Variants in GRIP1 observed in about 807,000 individuals in gnomAD.
GRIP1 encodes the protein glutamate receptor-interacting protein 1.
In GRIP1, 45 loss-of-function variants were observed where a neutral mutation model predicts 129.9. The observed-to-expected ratio is 0.35, with a 90% CI of 0.27 to 0.44. The LOEUF is 0.44. Among genes scored for constraint, GRIP1 ranks in the 20% least tolerant of loss-of-function variants. The pLI, the probability that GRIP1 is intolerant of heterozygous loss-of-function variation, is 1.00. For synonymous variants in GRIP1, 530 were observed against 520.8 expected (o/e 1.02, Z -0.24); for missense variants, 1,196 against 1,396.8 (o/e 0.86, Z 2.29).
intron 1 of GRIP1, among the ~76,000 whole-genome samples, chr12:66,888,973 A>C (rs775580554): frequency 6.6e-6 from 1 of 152,246 alleles, no homozygotes; most frequent in African/African-American, 2.4e-5. Flanking sequence ...TGGGACATTA[A>C]TAAAGAAGCA....
intron 4 of GRIP1, among the ~76,000 whole-genome samples, chr12:66,538,218 T>TA (rs368661628): frequency 0.15 from 22,324 of 144,416 alleles, 2,397 homozygotes; most frequent in African/African-American, 0.31. Flanking sequence ...TTTTTTTTTT[T>TA]AAACAGGGTT....
intron 14 of GRIP1, among the ~76,000 whole-genome samples, chr12:66,421,739 A>G (rs1278393473): frequency 6.6e-6 from 1 of 151,214 alleles, no homozygotes; most frequent in Non-Finnish European, 1.5e-5. Flanking sequence ...AAACATGTAC[A>G]TGTAATTTTA....
At chr12:66,784,126 T>G (rs1032085127) in intron 1 of GRIP1, among the ~76,000 whole-genome samples, 12 of 152,198 alleles carry the variant, frequency 7.9e-5, no homozygotes, top group Non-Finnish European at 1.6e-4. Flanking sequence ...CTCTAATTTT[T>G]TTTTAAGTTG....
chr12:66,625,700 G>A lies in GRIP1; in HGVS notation c.56-28773C>T, dbSNP rs565719453. 2.2e-4 allele frequency among the ~76,000 whole-genome samples: 34 copies of A among 152,202 alleles called. No homozygotes were observed. The South Asian group carries it at 4.4e-3, about 20-fold the overall frequency. On this transcript the variant is annotated intron_variant, in intron 1 of 24. Coordinates refer to ENST00000359742, the MANE Select transcript of GRIP1 (RefSeq NM_001366722.1). ...ACTGAGGTGGAAAAATTATGCAAAC[G>A]TAAATTTTAAATGGAGCTTCCAAAA...
At chr12:66,951,691 C>T (rs2041760473) in intron 1 of GRIP1, among the ~76,000 whole-genome samples, 1 of 152,180 alleles carries the variant, frequency 6.6e-6, no homozygotes, top group Admixed American at 6.5e-5. Flanking sequence ...CGTTGTAGTC[C>T]ATTTGCAAGA....
upstream of GRIP1, among the ~76,000 whole-genome samples, chr12:66,681,856 G>A (rs2034595848): frequency 6.6e-6 from 1 of 151,972 alleles, no homozygotes; most frequent in Non-Finnish European, 1.5e-5. Context: ...CTTATTTCAG[G>A]GTTTCTTTAA....
At chr12:66,634,079 A>G (rs987350649) in intron 1 of GRIP1, among the ~76,000 whole-genome samples, 1 of 152,210 alleles carries the variant, frequency 6.6e-6, no homozygotes, top group African/African-American at 2.4e-5. Flanking sequence ...TTAGGCAACA[A>G]AGGCTTCTTT....
chr12:66,892,981 C>A (rs1327497703), intron 1 of GRIP1, among the ~76,000 whole-genome samples: 1 of 152,050 alleles, frequency 6.6e-6, no homozygotes, highest in African/African-American at 2.4e-5. Flanking sequence ...CAAAACAAAA[C>A]AAAGACAAAA....
chr12:66,670,749 C>A (rs1223814937), intron 1 of GRIP1, among the ~76,000 whole-genome samples: 1 of 152,134 alleles, frequency 6.6e-6, no homozygotes, highest in Non-Finnish European at 1.5e-5. Context: ...CTCAGAGCTC[C>A]CTTAAGGTAG....
chr12:66,982,620 A>G (rs2042254932), intron 1 of GRIP1, among the ~76,000 whole-genome samples: 1 of 152,212 alleles, frequency 6.6e-6, no homozygotes, highest in Non-Finnish European at 1.5e-5. Context: ...GAGAAACTGC[A>G]GCTTTCAGTC....
intron 1 of GRIP1, among the ~76,000 whole-genome samples, chr12:66,796,667 T>C (rs116531246): frequency 6.2e-4 from 95 of 152,254 alleles, no homozygotes; most frequent in African/African-American, 2.0e-3. Flanking sequence ...TCCTCTGTCT[T>C]CTGTACCACG....
chr12:66,819,392 C>T (rs1762265726), intron 1 of GRIP1, among the ~76,000 whole-genome samples: 2 of 152,094 alleles, frequency 1.3e-5, no homozygotes, highest in Non-Finnish European at 2.9e-5. Flanking sequence ...ATGCTGTTTT[C>T]TGTAAGTAAT....
At chr12:66,524,531 G>A (rs2061150630) in intron 5 of GRIP1, among the ~76,000 whole-genome samples, 1 of 152,130 alleles carries the variant, frequency 6.6e-6, no homozygotes, top group South Asian at 2.1e-4. Context: ...TCAAAGCAGT[G>A]TGTAGAGGGA....
chr12:66,832,142 T>G (rs2039530992), intron 1 of GRIP1, among the ~76,000 whole-genome samples: 2 of 152,244 alleles, frequency 1.3e-5, no homozygotes, highest in South Asian at 4.1e-4. Context: ...ATCATTTTCA[T>G]GCTTAGAAAA....
intron 1 of GRIP1, among the ~76,000 whole-genome samples, chr12:66,936,262 A>C (rs1367257651): frequency 1.3e-5 from 2 of 152,022 alleles, no homozygotes; most frequent in African/African-American, 4.8e-5. Flanking sequence ...TCTACAAAAA[A>C]CAGAAAAACA....
intron 1 of GRIP1, among the ~76,000 whole-genome samples, chr12:66,725,730 T>C (rs2036233963): frequency 6.6e-6 from 1 of 152,178 alleles, no homozygotes; most frequent in African/African-American, 2.4e-5. Context: ...CACACATTTA[T>C]ATTAATCATA....
intron 1 of GRIP1, among the ~76,000 whole-genome samples, chr12:66,796,594 T>A (rs1233362563): frequency 1.3e-5 from 2 of 152,136 alleles, no homozygotes; most frequent in Non-Finnish European, 2.9e-5. Flanking sequence ...GTTTTCTTCA[T>A]TGTACTTGCC....
chr12:66,370,601 A>C (rs1025063712), intron 23 of GRIP1, among the ~76,000 whole-genome samples: 1 of 152,218 alleles, frequency 6.6e-6, no homozygotes, highest in Non-Finnish European at 1.5e-5. Context: ...ATGTCTAGCT[A>C]ATAGATTATT....
At chr12:66,741,145 A>G (rs1336086673) in intron 1 of GRIP1, among the ~76,000 whole-genome samples, 2 of 152,188 alleles carry the variant, frequency 1.3e-5, no homozygotes, top group Non-Finnish European at 2.9e-5. Flanking sequence ...TAATACAAAT[A>G]AAAGAGAATT....
Sources: allele counts gnomAD v4.1 joint callset (sites outside exome capture counted in the v4.1 genomes callset), GRCh38; gene constraint gnomAD v4.1.1; transcripts MANE v1.5; gene names NCBI Gene and HGNC (gene_info 2026-07-23, HGNC 2026-07-21).